The following PCDH9 variants were observed in gnomAD, a reference collection of about 807,000 sequenced individuals.
PCDH9 encodes protocadherin 9, also known as protocadherin-9.
Under a neutral mutation model 70.6 loss-of-function variants are expected in PCDH9, and 24 were observed. The ratio of observed to expected loss-of-function variants is 0.34; its 90% CI spans 0.25 to 0.48. The LOEUF (loss-of-function observed/expected upper bound fraction) is 0.48. Ranked by LOEUF, PCDH9 falls within the 20% of genes least tolerant of loss-of-function variation. PCDH9 has a pLI of 0.99. For synonymous variants in PCDH9, 562 were observed against 558.5 expected, an observed-to-expected ratio of 1.01 and a Z score of -0.09; for missense variants, 1,281 against 1,503.6, an observed-to-expected ratio of 0.85 and a Z score of 2.45.
intron 2 of PCDH9, among the ~76,000 whole-genome samples, chr13:67,022,511 A>C (rs2084698486): frequency 6.6e-6 from 1 of 152,200 alleles, no homozygotes; most frequent in Admixed American, 6.6e-5. Flanking sequence ...TGAAACGTGA[A>C]AAATGTGTTA....
intron 4 of PCDH9, among the ~76,000 whole-genome samples, chr13:66,607,577 AT>A (rs534959392): frequency 2.0e-5 from 3 of 152,070 alleles, no homozygotes; most frequent in Non-Finnish European, 4.4e-5. Flanking sequence ...TCCTTCTGTA[AT>A]TAGTTATGTT....
chr13:66,612,058 A>T (rs746810852), intron 4 of PCDH9, among the ~76,000 whole-genome samples: 2 of 152,222 alleles, frequency 1.3e-5, no homozygotes, highest in Non-Finnish European at 2.9e-5. Context: ...ATTTAAACTA[A>T]GTTTTAGAAA....
intron 4 of PCDH9, among the ~76,000 whole-genome samples, chr13:66,528,109 T>C (rs1315028584): frequency 2.6e-5 from 4 of 152,178 alleles, no homozygotes; most frequent in Non-Finnish European, 5.9e-5. Context: ...CCTGAATAAA[T>C]AGCTTTTTCT....
In PCDH9 at chr13:66,390,358, A is replaced by G. The variant is rs79808148; in HGVS notation, c.3341-85330T>C. ...CCCTTTGACCTTATAATTAGATCAC[A>G]TTCTCTACTAGATCTCCAGAATAAA... On this transcript the variant is annotated intron_variant, in intron 4 of 4. Coordinates refer to ENST00000377865, the MANE Select transcript of PCDH9 (RefSeq NM_203487.3). Among the ~76,000 whole-genome samples, 746 of 152,232 alleles carry G rather than the reference A, an allele frequency of 4.9e-3. 21 individuals are homozygous for G. In the East Asian group the frequency reaches 0.074, roughly 15 times the overall value.
chr13:66,994,654 T>C (rs2084073340), intron 2 of PCDH9, among the ~76,000 whole-genome samples: 1 of 152,224 alleles, frequency 6.6e-6, no homozygotes, highest in Non-Finnish European at 1.5e-5. Flanking sequence ...GCTAGATGGC[T>C]GGGGACTTCT....
chr13:66,606,776 C>T (rs1336569525), intron 4 of PCDH9, among the ~76,000 whole-genome samples: 1 of 151,888 alleles, frequency 6.6e-6, no homozygotes, highest in Admixed American at 6.6e-5. Flanking sequence ...GGTAGTCCTC[C>T]TAGATTGAGT....
At chr13:66,965,300 T>C (rs1005070930) in intron 2 of PCDH9, among the ~76,000 whole-genome samples, 4 of 152,120 alleles carry the variant, frequency 2.6e-5, no homozygotes. Context: ...TTAAAGAGCA[T>C]ACTCAAATTA....
chr13:66,996,314 TAATA>T lies in PCDH9; in HGVS notation c.3037-92713_3037-92710del, dbSNP rs768616571. On this transcript the variant is annotated intron_variant, in intron 2 of 4. Transcript: ENST00000377865. Reference sequence around the variant, plus strand: ...CAGACAAGTAATATTCAATACACAGTAATAAATATGTTATATGACATGTTAGAAC... The same window carrying T: ...CAGACAAGTAATATTCAATACACAGTAATATGTTATATGACATGTTAGAAC... 1.2e-3 allele frequency: 189 copies of T among 152,160 alleles called. 1 individual carries two copies. The highest frequency in any genetic ancestry group is 4.1e-4 in the Non-Finnish European group (28 of 68,000). The allele number at this position is 152,160 out of a possible 1,614,324, so 9.4% of individuals were successfully genotyped here.
At chr13:66,484,197 C>A (rs1369588585) in intron 4 of PCDH9, among the ~76,000 whole-genome samples, 3 of 152,132 alleles carry the variant, frequency 2.0e-5, no homozygotes, top group African/African-American at 7.2e-5. Context: ...AGCCCTCTGT[C>A]CTTGTGACAA....
intron 4 of PCDH9, among the ~76,000 whole-genome samples, chr13:66,405,713 G>C (rs551713242): frequency 6.6e-6 from 1 of 152,222 alleles, no homozygotes; most frequent in Admixed American, 6.5e-5. Flanking sequence ...CCATATATAG[G>C]AGGACAGAAT....
At chr13:66,431,762 T>C (rs1957773987) in intron 4 of PCDH9, among the ~76,000 whole-genome samples, 1 of 152,000 alleles carries the variant, frequency 6.6e-6, no homozygotes, top group African/African-American at 2.4e-5. Flanking sequence ...ACTGACAATA[T>C]AGAAAGAGGC....
intron 2 of PCDH9, among the ~76,000 whole-genome samples, chr13:67,142,616 A>G (rs1179759880): frequency 3.3e-5 from 5 of 152,234 alleles, no homozygotes; most frequent in African/African-American, 1.2e-4. Context: ...GGTATTAAAA[A>G]AGAGTAAAAT....
intron 4 of PCDH9, among the ~76,000 whole-genome samples, chr13:66,480,256 G>A (rs1958813634): frequency 6.6e-6 from 1 of 152,194 alleles, no homozygotes; most frequent in South Asian, 2.1e-4. Context: ...GCCTGAAGAT[G>A]TGACTGAATT....
chr13:67,078,392 A>G (rs888683276), intron 2 of PCDH9, among the ~76,000 whole-genome samples: 8 of 152,036 alleles, frequency 5.3e-5, no homozygotes, highest in Admixed American at 2.0e-4. Flanking sequence ...TGTTTCCTTC[A>G]GCTCTTTCCC....
chr13:67,176,797 A>G lies in PCDH9; in HGVS notation c.3036+48608T>C, dbSNP rs1215553362. Among the ~76,000 whole-genome samples, 5 of 152,162 alleles carry G rather than the reference A, an allele frequency of 3.3e-5. No individual in the cohort carries two copies. The East Asian group carries it at 9.7e-4, about 29-fold the overall frequency. The stretch of plus-strand genomic sequence containing the variant: ...CTCTTTTTTTAAGTCATGTGAGGAT[A>G]CTTTTATCAACCCTCCCTCTAAAAA... On this transcript the variant is annotated intron_variant, in intron 2 of 4. Transcript: ENST00000377865.
At chr13:66,986,710 T>C (rs1267999512) in intron 2 of PCDH9, among the ~76,000 whole-genome samples, 1 of 151,992 alleles carries the variant, frequency 6.6e-6, no homozygotes, top group African/African-American at 2.4e-5. Flanking sequence ...AAAACCATGA[T>C]GATTTGAGAT....
At position 66,868,746 on chromosome 13, in the gene PCDH9, T is replaced by A. The variant is rs374120910; in HGVS notation, c.3138+34758A>T. ...GAAATTATGGCAAGAGTAGATTGAA[T>A]CCTAGTTGGTAAATTTTGTTCACTT... On this transcript the variant is annotated intron_variant, in intron 3 of 4. Transcript: ENST00000377865. 2.0e-5 allele frequency among the ~76,000 whole-genome samples: 3 copies of A among 152,126 alleles called. No homozygotes were observed. In the East Asian group the frequency reaches 5.8e-4, roughly 29 times the overall value.
At chr13:66,520,983 C>T (rs928075634) in intron 4 of PCDH9, among the ~76,000 whole-genome samples, 1 of 152,016 alleles carries the variant, frequency 6.6e-6, no homozygotes, top group East Asian at 1.9e-4. Flanking sequence ...CAATATTTTC[C>T]CCATTAATGT....
At chr13:66,704,945 T>C (rs2078692012) in intron 3 of PCDH9, among the ~76,000 whole-genome samples, 1 of 152,172 alleles carries the variant, frequency 6.6e-6, no homozygotes, top group Non-Finnish European at 1.5e-5. Flanking sequence ...TATTTTATTG[T>C]TTATAGCAAT....
Sources: gnomAD v4.1 joint callset for allele counts (sites outside exome capture counted in the v4.1 genomes callset) on GRCh38, gnomAD v4.1.1 for gene constraint, MANE v1.5 for transcripts, NCBI Gene and HGNC (gene_info 2026-07-23, HGNC 2026-07-21) for gene names.